The following EXOC2 variants were observed in gnomAD, a reference collection of about 807,000 sequenced individuals.
EXOC2 encodes the protein exocyst complex component 2.
Under a neutral mutation model 131.8 loss-of-function variants are expected in EXOC2, and 70 were observed. That is an observed-to-expected ratio of 0.53 (90% CI 0.44 to 0.65). EXOC2 has a LOEUF of 0.65. Ranked by LOEUF, EXOC2 falls within the 30% of genes least tolerant of loss-of-function variation. EXOC2 has a pLI of 0.00. For missense variants in EXOC2, 923 were observed against 1,108.6 expected, an observed-to-expected ratio of 0.83 and a Z score of 2.38; for synonymous variants, 411 against 398.4, an observed-to-expected ratio of 1.03 and a Z score of -0.38.
intron 7 of EXOC2, among the ~76,000 whole-genome samples, chr6:608,554 G>A (rs1760548160): frequency 6.6e-6 from 1 of 151,056 alleles, no homozygotes; most frequent in African/African-American, 2.4e-5. Context: ...CACTTTTCTG[G>A]AAAAAAAAAT....
Position 599,426 on chromosome 6 carries a change from T to C in EXOC2, c.743-201A>G, listed in dbSNP as rs541162998. On this transcript the variant is annotated intron_variant, in intron 7 of 27. Transcript: ENST00000230449. The stretch of plus-strand genomic sequence containing the variant: ...CCTAAGTCTTTTCATATGTTAAGAA[T>C]GGTATCCAATATAAAAAGCACCATA... 8.9e-4 allele frequency among the ~76,000 whole-genome samples: 135 copies of C among 152,346 alleles called. 1 individual carries two copies. In the Middle Eastern group the frequency reaches 0.024, roughly 27 times the overall value.
rs542899342 is a variant in EXOC2, at chr6:621,326, C to G, written c.423-1783G>C. 6.0e-4 allele frequency among the ~76,000 whole-genome samples: 92 copies of G among 152,334 alleles called. 1 individual carries two copies. Among genetic ancestry groups the G allele is most frequent in the African/African-American group, 2.1e-3 (89 of 41,574 alleles). ...CACTTCATGGCCTACCCCAGCTCTC[C>G]CCACAGATATCTCTGCACAAACCCT... On this transcript the variant is annotated intron_variant, in intron 4 of 27. Transcript: ENST00000230449.
intron 1 of EXOC2, among the ~76,000 whole-genome samples, chr6:678,259 C>T (rs1468031354): frequency 6.6e-6 from 1 of 152,156 alleles, no homozygotes; most frequent in Admixed American, 6.5e-5. Context: ...AATTCAAATC[C>T]TAACTATATG....
rs151215456 is a variant in EXOC2 at position 485,294 on chromosome 6, A to C, written c.*1377T>G. ...ACATACTTAGGAAAGACAATTCTTA[A>C]CAGCTTTATCAAGCACATTTGTGAA... On this transcript the variant is annotated 3_prime_UTR_variant, in exon 28 of 28. Transcript: ENST00000230449. The C allele has an allele frequency of 2.6e-5, 4 of 152,332 alleles. No individual in the cohort carries two copies. The highest frequency in any genetic ancestry group is 1.3e-4 in the Admixed American group (2 of 15,308). The allele number at this position is 152,332 out of a possible 1,614,324, so 9.4% of individuals were successfully genotyped here. A position where few individuals can be genotyped will look rare whatever the true frequency, so the allele number is the denominator to read the frequency against.
At chr6:610,244 G>T (rs1760647417) in intron 6 of EXOC2, 66 bp from the exon 7 acceptor site, 2 of 1,341,172 alleles carry the variant, frequency 1.5e-6, no homozygotes, top group Middle Eastern at 3.7e-4. Context: ...AAATCAAAAT[G>T]ATATTTTTAA....
At chr6:586,876 G>A (rs1292948116) in intron 11 of EXOC2, among the ~76,000 whole-genome samples, 2 of 151,494 alleles carry the variant, frequency 1.3e-5, no homozygotes, top group African/African-American at 4.8e-5. Flanking sequence ...ACGTGGGTCT[G>A]TCCTGTGGCT....
rs996174076 is a variant in EXOC2, at chr6:553,989, C to T, written c.2055-69G>A. On this transcript the variant is annotated intron_variant, in intron 20 of 27. Transcript: ENST00000230449. Reference sequence around the variant, plus strand: ...AAATTCAAAAATGCAATGAACTATACGCAAATTTAAACGTGCAATGAATTA... The same window carrying T: ...AAATTCAAAAATGCAATGAACTATATGCAAATTTAAACGTGCAATGAATTA... 1.8e-4 allele frequency: 219 copies of T among 1,232,268 alleles called. 1 individual carries two copies. The highest frequency in any genetic ancestry group is 3.7e-4 in the Middle Eastern group (2 of 5,348). 76.3% of individuals were successfully genotyped at this position (1,232,268 alleles called of 1,614,324 possible).
intron 11 of EXOC2, among the ~76,000 whole-genome samples, chr6:588,507 A>G (rs2127620051): frequency 6.6e-6 from 1 of 152,106 alleles, no homozygotes; most frequent in African/African-American, 2.4e-5. Context: ...TGGCTATACC[A>G]CCATACCTGG....
intron 1 of EXOC2, among the ~76,000 whole-genome samples, chr6:691,550 T>A (rs916458928): frequency 6.6e-6 from 1 of 152,228 alleles, no homozygotes; most frequent in Admixed American, 6.5e-5. Context: ...TCAGCTTACT[T>A]TAAGAATACA....
At chr6:683,056 G>A (rs762597107) in intron 1 of EXOC2, among the ~76,000 whole-genome samples, 8 of 152,138 alleles carry the variant, frequency 5.3e-5, no homozygotes, top group East Asian at 3.8e-4. Context: ...CTTTACCCTC[G>A]CAGTGATGGA....
intron 11 of EXOC2, among the ~76,000 whole-genome samples, chr6:589,246 C>T (rs756112146): frequency 2.0e-5 from 3 of 150,920 alleles, no homozygotes; most frequent in African/African-American, 2.4e-5. Context: ...TTCTCAATGC[C>T]GATCTAGAGA....
intron 22 of EXOC2, among the ~76,000 whole-genome samples, chr6:533,706 G>A (rs535717903): frequency 6.6e-6 from 1 of 152,094 alleles, no homozygotes; most frequent in South Asian, 2.1e-4. Context: ...AAGAAGAAGA[G>A]GGGGGAGGCA....
chr6:658,645 T>TTATATATATATATATATTTTA, intron 1 of EXOC2, among the ~76,000 whole-genome samples: 1 of 118,342 alleles, frequency 8.5e-6, no homozygotes, highest in South Asian at 3.1e-4. Context: ...TATATATATT[T>TTATATATATATATATATTTTA]TATATATATA....
chr6:608,397 GA>G (rs768335460), intron 7 of EXOC2, among the ~76,000 whole-genome samples: 114 of 152,320 alleles, frequency 7.5e-4, no homozygotes, highest in Non-Finnish European at 1.5e-3. Flanking sequence ...AATGTTTCTA[GA>G]AAAGGGGGAA....
At chr6:684,102 C>T (rs937689289) in intron 1 of EXOC2, among the ~76,000 whole-genome samples, 2 of 152,214 alleles carry the variant, frequency 1.3e-5, no homozygotes, top group Non-Finnish European at 2.9e-5. Flanking sequence ...GACCACACAG[C>T]GCCAGCTGAA....
At position 499,674 on chromosome 6, in the gene EXOC2, G is replaced by A; in HGVS notation, c.2407C>T (p.Leu803=). 6.2e-7 allele frequency: 1 copy of A among 1,613,652 alleles called. No homozygotes were observed. Residue 803 remains leucine, a synonymous_variant, in exon 24 of 28, where the codon CTG becomes TTG. Transcript: ENST00000230449. ...GCATGCACGGCAATTATATTCACCA[G>A]TGCTTCTTTTAAATAGTTTCTGACA... ...TGVRNYLKEA[L]VNIIAVHAEV... is the part of the protein sequence containing the mutation.
Position 671,267 on chromosome 6 carries a change from G to T in EXOC2, c.-44+21752C>A, listed in dbSNP as rs547256441. ...AGCTACCTGGGAGGCTGAGGCAGGA[G>T]GATCACTTGAACCTGGGAGGTGGAG... On this transcript the variant is annotated intron_variant, in intron 1 of 27. Transcript: ENST00000230449. 3.4e-4 allele frequency among the ~76,000 whole-genome samples: 51 copies of T among 152,024 alleles called. 2 individuals are homozygous for T. The South Asian group carries it at 0.01, about 31-fold the overall frequency.
At position 655,603 on chromosome 6, in the gene EXOC2, T is replaced by G. The variant is rs575103815; in HGVS notation, c.-43-17742A>C. Among the ~76,000 whole-genome samples, 3 of 152,330 alleles carry G rather than the reference T, an allele frequency of 2.0e-5. No individual in the cohort carries two copies. The South Asian group carries it at 6.2e-4, about 32-fold the overall frequency. On this transcript the variant is annotated intron_variant, in intron 1 of 27. Transcript: ENST00000230449. ...TCTAAAAACCATGTACACTGATATA[T>G]TCTTTGACATATCCTATACAGAACA... is the stretch of plus-strand genomic sequence containing the variant.
chr6:642,495 A>G (rs1175111495), intron 1 of EXOC2, among the ~76,000 whole-genome samples: 1 of 152,204 alleles, frequency 6.6e-6, no homozygotes, highest in Non-Finnish European at 1.5e-5. Context: ...CATAGAAAGT[A>G]GGAAAAACAC....
Sources: allele counts gnomAD v4.1 joint callset (sites outside exome capture counted in the v4.1 genomes callset), GRCh38; gene constraint gnomAD v4.1.1; transcripts MANE v1.5; gene names NCBI Gene and HGNC (gene_info 2026-07-23, HGNC 2026-07-21).